The following UBE2E3 variants were observed in gnomAD, a reference collection of about 807,000 sequenced individuals.
The protein encoded by UBE2E3 is ubiquitin conjugating enzyme E2 E3, also known as ubiquitin-conjugating enzyme E2 E3.
Under a neutral mutation model 23.6 loss-of-function variants are expected in UBE2E3, and 5 were observed. The observed-to-expected ratio is 0.21, with a 90% CI of 0.11 to 0.44. The LOEUF (loss-of-function observed/expected upper bound fraction) is 0.44. Among genes scored for constraint, UBE2E3 ranks in the 20% least tolerant of loss-of-function variants. The probability of loss-of-function intolerance (pLI) is 0.99; values close to 1 mark genes in which losing one functional copy is unlikely to be tolerated. For missense variants in UBE2E3, 81 were observed against 249.8 expected (o/e 0.32, Z 4.55); for synonymous variants, 78 against 87.5 (o/e 0.89, Z 0.60).
chr2:181,038,482 G>T (rs1450783051), intron 3 of UBE2E3, among the ~76,000 whole-genome samples: 1 of 152,134 alleles, frequency 6.6e-6, no homozygotes. Context: ...TTCAAAATGG[G>T]TCATTGACCT....
intron 2 of UBE2E3, among the ~76,000 whole-genome samples, chr2:180,983,444 C>T (rs2105562566): frequency 1.3e-5 from 2 of 152,268 alleles, no homozygotes; most frequent in Admixed American, 1.3e-4. Flanking sequence ...TGTATTTTCT[C>T]CTCTTTCTCT....
At chr2:181,007,172 C>G (rs1404341763) in intron 3 of UBE2E3, among the ~76,000 whole-genome samples, 1 of 152,116 alleles carries the variant, frequency 6.6e-6, no homozygotes, top group Non-Finnish European at 1.5e-5. Flanking sequence ...TATGGGATTA[C>G]AATTTGGATA....
intron 3 of UBE2E3, among the ~76,000 whole-genome samples, chr2:181,003,399 A>G (rs1685044421): frequency 1.3e-5 from 2 of 152,240 alleles, no homozygotes; most frequent in African/African-American, 4.8e-5. Flanking sequence ...CACTTGAGAC[A>G]TTTCTAGAAG....
At chr2:180,988,093 C>T (rs1336896731) in intron 3 of UBE2E3, among the ~76,000 whole-genome samples, 1 of 152,058 alleles carries the variant, frequency 6.6e-6, no homozygotes, top group Non-Finnish European at 1.5e-5. Flanking sequence ...TAAAATGATA[C>T]CCCCCTTTAT....
At chr2:180,993,119 A>G (rs762132615) in intron 3 of UBE2E3, among the ~76,000 whole-genome samples, 3 of 152,202 alleles carry the variant, frequency 2.0e-5, no homozygotes, top group Non-Finnish European at 2.9e-5. Context: ...ATAAGGGTGT[A>G]TAGAGAAATA....
rs150360134 is a variant in UBE2E3, at chr2:181,002,001, T to C, written c.245+17908T>C. Among the ~76,000 whole-genome samples, 10 of 152,316 alleles carry C rather than the reference T, an allele frequency of 6.6e-5. No individual in the cohort carries two copies. In the East Asian group the frequency reaches 1.9e-3, roughly 29 times the overall value. On this transcript the variant is annotated intron_variant, in intron 3 of 5. Coordinates refer to ENST00000410062, the MANE Select transcript of UBE2E3 (RefSeq NM_006357.4). Reference sequence around the variant, plus strand: ...AAAGAAGTTGTAGTTTTCCAGCTGTTGCATATGGAGATTGAAGGGCTTGAA... The same window carrying C: ...AAAGAAGTTGTAGTTTTCCAGCTGTCGCATATGGAGATTGAAGGGCTTGAA...
intron 2 of UBE2E3, among the ~76,000 whole-genome samples, chr2:180,982,965 T>A (rs1041809066): frequency 3.9e-5 from 6 of 152,178 alleles, no homozygotes; most frequent in Non-Finnish European, 8.8e-5. Flanking sequence ...CATATTTAAT[T>A]GGATGTAAGT....
At chr2:181,038,223 G>T (rs965706292) in intron 3 of UBE2E3, among the ~76,000 whole-genome samples, 34 of 152,154 alleles carry the variant, frequency 2.2e-4, no homozygotes, top group Middle Eastern at 6.8e-3. Context: ...TTTCCTGTGT[G>T]TTTAGATACA....
intron 3 of UBE2E3, among the ~76,000 whole-genome samples, chr2:181,051,164 G>A (rs1686835436): frequency 6.6e-6 from 1 of 151,562 alleles, no homozygotes; most frequent in Non-Finnish European, 1.5e-5. Context: ...TCTTTTTTAT[G>A]TTTTTAAAAC....
At chr2:180,991,304 T>G (rs7592447) in intron 3 of UBE2E3, among the ~76,000 whole-genome samples, 35,318 of 152,068 alleles carry the variant, frequency 0.23, 4,466 homozygotes, top group Non-Finnish European at 0.28. Context: ...ATATACTGTG[T>G]TTTTTCCTAT....
chr2:181,050,713 C>T (rs577800219), intron 3 of UBE2E3, among the ~76,000 whole-genome samples: 1 of 151,962 alleles, frequency 6.6e-6, no homozygotes, highest in Admixed American at 6.6e-5. Flanking sequence ...AGGCAAGTCA[C>T]TTAACCTTTC....
intron 3 of UBE2E3, among the ~76,000 whole-genome samples, chr2:181,000,993 A>G (rs986072560): frequency 7.2e-5 from 11 of 152,204 alleles, no homozygotes; most frequent in Non-Finnish European, 1.6e-4. Context: ...TGCATCATCA[A>G]CTCATATCAG....
At chr2:181,041,562 C>T (rs1020066905) in intron 3 of UBE2E3, among the ~76,000 whole-genome samples, 10 of 151,982 alleles carry the variant, frequency 6.6e-5, no homozygotes, top group Admixed American at 6.6e-4. Flanking sequence ...CCTCAGCCTC[C>T]CCAGTAGCTG....
chr2:181,058,092 A>G (rs1480002069), intron 4 of UBE2E3, among the ~76,000 whole-genome samples: 1 of 151,732 alleles, frequency 6.6e-6, no homozygotes, highest in Admixed American at 6.6e-5. Flanking sequence ...TATGCTTATG[A>G]GGGAGAAGAT....
At chr2:180,998,232 A>G (rs1213158615) in intron 3 of UBE2E3, among the ~76,000 whole-genome samples, 1 of 152,080 alleles carries the variant, frequency 6.6e-6, no homozygotes, top group African/African-American at 2.4e-5. Context: ...TTTTAGGTTC[A>G]CTTTACCCTC....
At chr2:181,002,318 C>G (rs1462894886) in intron 3 of UBE2E3, among the ~76,000 whole-genome samples, 1 of 152,076 alleles carries the variant, frequency 6.6e-6, no homozygotes, top group East Asian at 1.9e-4. Context: ...TGTTTATTTT[C>G]TGTTGCTCAC....
intron 4 of UBE2E3, 45 bp from the exon 5 acceptor site, chr2:181,060,620 A>T: frequency 6.5e-7 from 1 of 1,528,924 alleles, no homozygotes; most frequent in Non-Finnish European, 8.8e-7. Context: ...TTAATTGGTA[A>T]TACAGCATTC....
intron 3 of UBE2E3, among the ~76,000 whole-genome samples, chr2:181,045,098 C>T (rs1189606682): frequency 1.3e-5 from 2 of 152,154 alleles, no homozygotes; most frequent in East Asian, 1.9e-4. Context: ...AGAAAGCATA[C>T]AGCAGGAAGA....
At chr2:180,997,816 C>T (rs1261465628) in intron 3 of UBE2E3, among the ~76,000 whole-genome samples, 1 of 152,140 alleles carries the variant, frequency 6.6e-6, no homozygotes, top group Non-Finnish European at 1.5e-5. Flanking sequence ...TGGCTTTCAT[C>T]CTTCAAGTGG....
Sources: gnomAD v4.1 joint callset for allele counts (sites outside exome capture counted in the v4.1 genomes callset) on GRCh38, gnomAD v4.1.1 for gene constraint, MANE v1.5 for transcripts, NCBI Gene and HGNC (gene_info 2026-07-23, HGNC 2026-07-21) for gene names.